The following POLB variants were observed in gnomAD, a reference collection of about 807,000 sequenced individuals.
The protein encoded by POLB is 5'-dRP lyase.
Under a neutral mutation model 52.7 loss-of-function variants are expected in POLB, and 37 were observed. The ratio of observed to expected loss-of-function variants is 0.70; its 90% CI spans 0.54 to 0.92. The LOEUF is 0.92. Among genes scored for constraint, POLB ranks in the 40% least tolerant of loss-of-function variants. The pLI, the probability that POLB is intolerant of heterozygous loss-of-function variation, is 0.00. For missense variants in POLB, 313 were observed against 400.8 expected, an observed-to-expected ratio of 0.78 and a Z score of 1.87; for synonymous variants, 138 against 131.3, an observed-to-expected ratio of 1.05 and a Z score of -0.35.
intron 9 of POLB, among the ~76,000 whole-genome samples, chr8:42,359,427 T>C (rs2130829958): frequency 6.6e-6 from 1 of 151,970 alleles, no homozygotes; most frequent in South Asian, 2.1e-4. Context: ...TGATCTCGGC[T>C]CACTGCAACC....
rs1585864737 is a variant in POLB at position 42,342,131 on chromosome 8, A to C, written c.120-2822A>C. 27 of 1,412,230 alleles carry C rather than the reference A, an allele frequency of 1.9e-5. 1 individual carries two copies. The South Asian group carries it at 3.0e-4, about 16-fold the overall frequency. The allele number at this position is 1,412,230 out of a possible 1,614,324, so 87.5% of individuals were successfully genotyped here. ...AGGGAATCATTTGGTACTTTGAGGG[A>C]TAGACAAGCCTCCATCCAGGTCACC... On this transcript the variant is annotated intron_variant, in intron 2 of 13. Transcript: ENST00000265421.
Position 42,355,522 on chromosome 8 carries a change from G to C in POLB, c.377G>C (p.Arg126Thr), listed in dbSNP as rs778154847. The change falls in exon 7 of 14, where the codon AGA becomes ACA. Residue 126 changes from arginine (R) to threonine (T), a missense_variant. Physicochemically the swap from Arg to Thr is moderately conservative, Grantham distance 71 (BLOSUM62 -1). Coordinates refer to ENST00000265421, the MANE Select transcript of POLB (RefSeq NM_002690.3). The part of the protein sequence containing the change: ...DEGIKTLEDL[R>T]KNEDKLNHHQ... ...TTATTTATCTTCTATACAGATCTCA[G>C]AAAAAATGAAGATAAATTGAACCAT... 7.0e-6 allele frequency: 11 copies of C among 1,571,454 alleles called. No homozygotes were observed. The highest frequency in any genetic ancestry group is 9.6e-6 in the Non-Finnish European group (11 of 1,142,394).
Position 42,352,399 on chromosome 8 carries a change from C to T in POLB, c.321-120C>T, listed in dbSNP as rs1823030345. On this transcript the variant is annotated intron_variant, in intron 5 of 13. Coordinates refer to ENST00000265421, the MANE Select transcript of POLB (RefSeq NM_002690.3). ...TACAGTTGAACATTACCAAAGTAGC[C>T]ATGCAACATTTTAGCAGGTCTTGTT... 1.3e-5 allele frequency: 9 copies of T among 718,698 alleles called. 1 individual carries two copies. In the South Asian group the frequency reaches 1.4e-4, roughly 11 times the overall value. 44.5% of individuals were successfully genotyped at this position (718,698 alleles called of 1,614,324 possible).
chr8:42,350,919 A>G (rs1822942724), intron 5 of POLB, among the ~76,000 whole-genome samples: 1 of 151,632 alleles, frequency 6.6e-6, no homozygotes, highest in Non-Finnish European at 1.5e-5. Context: ...TATCTAGGCT[A>G]GAGTGCAGTG....
chr8:42,345,763 T>TA (rs1386272372), intron 3 of POLB, among the ~76,000 whole-genome samples: 1 of 152,252 alleles, frequency 6.6e-6, no homozygotes, highest in Non-Finnish European at 1.5e-5. Flanking sequence ...GGATTAGTGA[T>TA]ACTCAACCTG....
chr8:42,365,563 G>A (rs181363908), intron 11 of POLB, among the ~76,000 whole-genome samples: 68 of 152,294 alleles, frequency 4.5e-4, no homozygotes, highest in East Asian at 3.7e-3. Flanking sequence ...ATCTTGCTAC[G>A]TCTGGGCATA....
intron 10 of POLB, 64 bp from the exon 11 acceptor site, chr8:42,362,548 A>AAC: frequency 1.0e-6 from 1 of 985,714 alleles, no homozygotes; most frequent in Non-Finnish European, 1.6e-6. Flanking sequence ...AAATATTGTT[A>AAC]AATATTTTCT....
At chr8:42,363,488 A>G (rs1485088062) in intron 11 of POLB, among the ~76,000 whole-genome samples, 1 of 138,130 alleles carries the variant, frequency 7.2e-6, no homozygotes, top group African/African-American at 2.8e-5. Context: ...AGATCGCACC[A>G]CTGCACTCCA....
chr8:42,362,110 A>G (rs1436300906), intron 10 of POLB, among the ~76,000 whole-genome samples: 1 of 152,046 alleles, frequency 6.6e-6, no homozygotes, highest in Non-Finnish European at 1.5e-5. Context: ...AAAATACAAA[A>G]TTAACCAGGC....
intron 2 of POLB, chr8:42,339,861 G>C (rs1822091483): frequency 6.6e-6 from 1 of 151,916 alleles, no homozygotes; most frequent in South Asian, 2.1e-4. Context: ...ATCAGCCTCG[G>C]TGTCAGCTCT....
chr8:42,366,572 T>C (rs1330133269), intron 11 of POLB, among the ~76,000 whole-genome samples: 5 of 152,198 alleles, frequency 3.3e-5, no homozygotes, highest in Non-Finnish European at 7.3e-5. Context: ...GAGCATGCTG[T>C]TTTGACATTT....
intron 11 of POLB, among the ~76,000 whole-genome samples, chr8:42,366,289 G>A (rs963125291): frequency 1.3e-5 from 2 of 152,162 alleles, no homozygotes; most frequent in African/African-American, 2.4e-5. Context: ...TGACTTCCCT[G>A]TCTTTCAATC....
intron 2 of POLB, 38 bp downstream of exon 2, chr8:42,339,107 G>C (rs1192012149): frequency 1.1e-5 from 16 of 1,488,442 alleles, no homozygotes; most frequent in Non-Finnish European, 1.5e-5. Context: ...CATACGTTCT[G>C]GGATACCCTG....
At position 42,371,783 on chromosome 8, in the gene POLB, A is replaced by G. The variant is rs751336899; in HGVS notation, c.*126A>G. On this transcript the variant is annotated 3_prime_UTR_variant, in exon 14 of 14. Transcript: ENST00000265421. ...TTCTTCATGCTTTTGCTTGCAATGT[A>G]GTCAATAAAACCTCATGTACTATTA... 1 of 646,746 alleles carries G rather than the reference A, an allele frequency of 1.5e-6. No individual in the cohort carries two copies. 40.1% of individuals were successfully genotyped at this position (646,746 alleles called of 1,614,324 possible).
chr8:42,342,285 C>A (rs1822251514), intron 2 of POLB: 1 of 1,535,398 alleles, frequency 6.5e-7, no homozygotes, highest in Non-Finnish European at 8.9e-7. Flanking sequence ...CTTCATAGAT[C>A]TTGTCCATGC....
Position 42,357,185 on chromosome 8 carries a change from G to C in POLB, c.439G>C (p.Glu147Gln). The C allele has an allele frequency of 6.4e-7, 1 of 1,551,750 alleles. No individual in the cohort carries two copies. Among genetic ancestry groups the C allele is most frequent in the Non-Finnish European group, 8.9e-7 (1 of 1,125,132 alleles). ...RIGLKYFGDF[E>Q]KRIPREEMLQ... is the part of the protein sequence containing the mutation. ...TCTTTATAGATATTTTGGGGACTTT[G>C]AAAAAAGAATTCCTCGTGAAGAGAT... The change falls in exon 8 of 14, where the codon GAA becomes CAA. Residue 147 changes from glutamate (E) to glutamine (Q), a missense_variant. Around this residue, in one of 3 missense-constraint regions of POLB, gnomAD observed 246 missense variants for 297.6 expected, o/e 0.83. Coordinates refer to ENST00000265421, the MANE Select transcript of POLB (RefSeq NM_002690.3).
At chr8:42,354,601 T>A in intron 6 of POLB, 1 of 516,698 alleles carries the variant, frequency 1.9e-6, no homozygotes, top group Non-Finnish European at 3.4e-6. Flanking sequence ...AGAAGTACAG[T>A]GGCGCAATCT....
intron 2 of POLB, chr8:42,342,106 A>G (rs991460524): frequency 8.2e-7 from 1 of 1,214,834 alleles, no homozygotes; most frequent in Non-Finnish European, 1.2e-6. Context: ...AATCATAACC[A>G]GGGAATCATT....
Position 42,349,098 on chromosome 8 carries a change from T to C in POLB, c.261+8T>C. ...TTACGTAAACTGGAAAAGGTAAAAT[T>C]TTAACTTGTTTACTTCATTAATTAT... is the stretch of plus-strand genomic sequence containing the variant. On this transcript the variant is annotated splice_region_variant and intron_variant, in intron 4 of 13. Transcript: ENST00000265421. 6.7e-7 allele frequency: 1 copy of C among 1,493,906 alleles called. No individual in the cohort carries two copies. The highest frequency in any genetic ancestry group is 9.3e-7 in the Non-Finnish European group (1 of 1,073,252). 92.5% of individuals were successfully genotyped at this position (1,493,906 alleles called of 1,614,324 possible).
Sources: gnomAD v4.1 joint callset for allele counts (sites outside exome capture counted in the v4.1 genomes callset) on GRCh38, gnomAD v4.1.1 for gene constraint, gnomAD v4.1.1 regional missense constraint, MANE v1.5 for transcripts, NCBI Gene and HGNC (gene_info 2026-07-23, HGNC 2026-07-21) for gene names.